Variants in GRIK1 observed in about 807,000 individuals in gnomAD.
GRIK1 encodes glutamate ionotropic receptor kainate type subunit 1.
Under a neutral mutation model 105.7 loss-of-function variants are expected in GRIK1, and 69 were observed. The observed-to-expected ratio is 0.65, with a 90% CI of 0.54 to 0.80. GRIK1 has a LOEUF of 0.80. Ranked by LOEUF, GRIK1 falls within the 30% of genes least tolerant of loss-of-function variation. The probability of loss-of-function intolerance (pLI) is 0.00; values close to 1 mark genes in which losing one functional copy is unlikely to be tolerated. For missense variants in GRIK1, 1,109 were observed against 1,167.3 expected, an observed-to-expected ratio of 0.95 and a Z score of 0.73; for synonymous variants, 438 against 431.3, an observed-to-expected ratio of 1.02 and a Z score of -0.19.
chr21:29,617,539 C>T (rs1002557811), intron 7 of GRIK1, among the ~76,000 whole-genome samples: 2 of 152,194 alleles, frequency 1.3e-5, no homozygotes, highest in Admixed American at 1.3e-4. Context: ...AGGACTTCCA[C>T]CCAACCGCCA....
intron 1 of GRIK1, among the ~76,000 whole-genome samples, chr21:29,783,104 C>T (rs2066168292): frequency 6.6e-6 from 1 of 152,148 alleles, no homozygotes; most frequent in African/African-American, 2.4e-5. Context: ...TTATCCATCT[C>T]CAATAATCTG....
intron 1 of GRIK1, among the ~76,000 whole-genome samples, chr21:29,843,370 T>G (rs2068032148): frequency 6.6e-6 from 1 of 152,172 alleles, no homozygotes; most frequent in South Asian, 2.1e-4. Context: ...TTTATTTTTG[T>G]TTTTAGTGTG....
At chr21:29,579,018 G>T (rs1452946932) in intron 13 of GRIK1, among the ~76,000 whole-genome samples, 1 of 152,000 alleles carries the variant, frequency 6.6e-6, no homozygotes, top group Non-Finnish European at 1.5e-5. Flanking sequence ...TCACTTATTT[G>T]TATATTTGTA....
chr21:29,799,058 A>G (rs931905696), intron 1 of GRIK1, among the ~76,000 whole-genome samples: 2 of 152,224 alleles, frequency 1.3e-5, no homozygotes, highest in Admixed American at 1.3e-4. Context: ...TGGAATTGTC[A>G]CATTCCAAGA....
chr21:29,876,120 G>GTC (rs1338736850), intron 1 of GRIK1, among the ~76,000 whole-genome samples: 2 of 151,772 alleles, frequency 1.3e-5, no homozygotes, highest in Admixed American at 6.6e-5. Flanking sequence ...ATATGTGTGT[G>GTC]TGTGTGTGTG....
At chr21:29,854,018 G>A (rs570337581) in intron 1 of GRIK1, among the ~76,000 whole-genome samples, 28 of 152,210 alleles carry the variant, frequency 1.8e-4, no homozygotes, top group African/African-American at 6.3e-4. Context: ...AGTAGTGAGC[G>A]GCCTAGTCCA....
intron 10 of GRIK1, 136 bp downstream of exon 10, chr21:29,590,976 C>T (rs1305489126): frequency 1.5e-6 from 1 of 683,706 alleles, no homozygotes; most frequent in East Asian, 2.6e-5. Context: ...TGTACAAACA[C>T]AGGCTTTTAG....
chr21:29,858,704 A>C (rs1189572802), intron 1 of GRIK1, among the ~76,000 whole-genome samples: 2 of 152,218 alleles, frequency 1.3e-5, no homozygotes, highest in Non-Finnish European at 1.5e-5. Context: ...ACTCCTGCCA[A>C]GCCATGCCTG....
At chr21:29,734,201 C>T (rs2064710585) in intron 1 of GRIK1, among the ~76,000 whole-genome samples, 1 of 152,128 alleles carries the variant, frequency 6.6e-6, no homozygotes, top group South Asian at 2.1e-4. Context: ...TCCATCACTA[C>T]CACTCCATCC....
chr21:29,592,292 T>C (rs2061344812), intron 9 of GRIK1, among the ~76,000 whole-genome samples: 2 of 152,208 alleles, frequency 1.3e-5, no homozygotes, highest in South Asian at 4.1e-4. Context: ...TCAGTGAGGA[T>C]GCTCACTTTT....
At chr21:29,599,790 CACAAACAA>C (rs543964031) in intron 7 of GRIK1, among the ~76,000 whole-genome samples, 113 of 152,200 alleles carry the variant, frequency 7.4e-4, no homozygotes, top group African/African-American at 2.7e-3. Flanking sequence ...AAGACTCTGT[CACAAACAA>C]ACAAACAAAC....
chr21:29,601,906 G>C (rs766680433), intron 7 of GRIK1, among the ~76,000 whole-genome samples: 1 of 148,610 alleles, frequency 6.7e-6, no homozygotes, highest in African/African-American at 2.5e-5. Context: ...TTTTTTTCTC[G>C]CTCTAATTTG....
chr21:29,698,113 G>A (rs1026120243), intron 1 of GRIK1, among the ~76,000 whole-genome samples: 2 of 151,208 alleles, frequency 1.3e-5, no homozygotes, highest in African/African-American at 4.9e-5. Context: ...AATTGTGAGT[G>A]TGAGCTGTCA....
chr21:29,893,499 C>T (rs758756653), intron 1 of GRIK1, among the ~76,000 whole-genome samples: 3 of 152,132 alleles, frequency 2.0e-5, no homozygotes, highest in Non-Finnish European at 2.9e-5. Context: ...GCCTCAGTTC[C>T]TTCTTTTGTA....
At chr21:29,639,316 T>C (rs1464113050) in intron 7 of GRIK1, among the ~76,000 whole-genome samples, 2 of 152,156 alleles carry the variant, frequency 1.3e-5, no homozygotes, top group Non-Finnish European at 2.9e-5. Context: ...AACTAGGGAA[T>C]TGAGACTGAA....
intron 1 of GRIK1, among the ~76,000 whole-genome samples, chr21:29,704,824 A>G (rs2063873540): frequency 6.6e-6 from 1 of 152,188 alleles, no homozygotes; most frequent in African/African-American, 2.4e-5. Flanking sequence ...CAGCCCCTTA[A>G]CATCATGAAG....
chr21:29,846,463 G>GAAAAAGAAAGAA (rs1438057761), intron 1 of GRIK1, among the ~76,000 whole-genome samples: 13 of 127,908 alleles, frequency 1.0e-4, no homozygotes, highest in Non-Finnish European at 1.8e-4. Context: ...GAAAGAGAGA[G>GAAAAAGAAAGAA]AGAAAGAAAG....
intron 1 of GRIK1, among the ~76,000 whole-genome samples, chr21:29,767,947 G>A (rs116210710): frequency 1.7e-3 from 253 of 151,654 alleles, no homozygotes; most frequent in African/African-American, 3.8e-3. Flanking sequence ...CAGAACATTT[G>A]TATTTTACTT....
chr21:29,723,818 C>G (rs1028524140), intron 1 of GRIK1, among the ~76,000 whole-genome samples: 3 of 151,926 alleles, frequency 2.0e-5, no homozygotes, highest in Non-Finnish European at 4.4e-5. Flanking sequence ...TGTTTTTACT[C>G]TATCTATACT....
Sources: gnomAD v4.1 joint callset for allele counts (sites outside exome capture counted in the v4.1 genomes callset) on GRCh38, gnomAD v4.1.1 for gene constraint, MANE v1.5 for transcripts, NCBI Gene and HGNC (gene_info 2026-07-23, HGNC 2026-07-21) for gene names.